RNF216: variants seen among roughly 807,000 people sequenced by gnomAD.
The protein encoded by RNF216 is ring finger protein 216.
Under a neutral mutation model 110.8 loss-of-function variants are expected in RNF216, and 72 were observed. The ratio of observed to expected loss-of-function variants is 0.65; its 90% CI spans 0.54 to 0.79. RNF216 has a LOEUF of 0.79. RNF216 is among the 30% of genes least tolerant of loss of function. The pLI is 0.00. For missense variants in RNF216, 1,342 were observed against 1,141.2 expected (o/e 1.18, Z -2.54); for synonymous variants, 495 against 407.5 (o/e 1.21, Z -2.59).
chr7:5,722,546 A>G (rs1793497243), intron 8 of RNF216, among the ~76,000 whole-genome samples: 1 of 151,238 alleles, frequency 6.6e-6, no homozygotes, highest in African/African-American at 2.4e-5. Context: ...GCCCGCCACC[A>G]TGCCCGGCTA....
intron 5 of RNF216, among the ~76,000 whole-genome samples, chr7:5,738,083 T>G (rs1794532082): frequency 1.7e-5 from 1 of 57,976 alleles, no homozygotes; most frequent in Admixed American, 2.7e-4. Flanking sequence ...AATAAGACTG[T>G]CTCCAAAAAA....
intron 14 of RNF216, among the ~76,000 whole-genome samples, chr7:5,649,336 G>A (rs1005078770): frequency 2.0e-5 from 3 of 151,284 alleles, no homozygotes; most frequent in Non-Finnish European, 2.9e-5. Context: ...AGGTCGCAAT[G>A]ACCCGAGGCA....
At chr7:5,658,538 G>A (rs1562797480) in intron 13 of RNF216, among the ~76,000 whole-genome samples, 1 of 146,772 alleles carries the variant, frequency 6.8e-6, no homozygotes, top group Non-Finnish European at 1.5e-5. Flanking sequence ...TGTGCCTGTA[G>A]TCTCAGCTAC....
intron 13 of RNF216, among the ~76,000 whole-genome samples, chr7:5,682,597 G>T (rs1342476579): frequency 6.6e-6 from 1 of 152,062 alleles, no homozygotes; most frequent in Non-Finnish European, 1.5e-5. Context: ...AGTAGAGACA[G>T]GGTTTCAACA....
Position 5,768,230 on chromosome 7 carries a change from C to G in RNF216, c.-69-7092G>C, listed in dbSNP as rs568973727. 6.3e-4 allele frequency among the ~76,000 whole-genome samples: 94 copies of G among 149,788 alleles called. 1 individual carries two copies. The highest frequency in any genetic ancestry group is 2.9e-3 in the Admixed American group (43 of 14,858). ...CTTTGGGAGGCTGAAGCAGGAGGAT[C>G]ACTTGAGCCCAGGAGTTTAAGACCA... On this transcript the variant is annotated intron_variant, in intron 1 of 16. Transcript: ENST00000389902.
intron 16 of RNF216, 70 bp from the exon 17 acceptor site, chr7:5,623,249 G>A (rs1786503552): frequency 2.8e-6 from 4 of 1,437,136 alleles, no homozygotes; most frequent in Non-Finnish European, 3.8e-6. Context: ...CCTGGGACCA[G>A]GGCAGCGACC....
chr7:5,748,629 C>T (rs1367671300), intron 3 of RNF216, among the ~76,000 whole-genome samples: 1 of 147,436 alleles, frequency 6.8e-6, no homozygotes, highest in Non-Finnish European at 1.5e-5. Context: ...CACACACACA[C>T]ACACACACAC....
rs377707695 is a variant in RNF216, at chr7:5,730,793, G to A, written c.1146C>T (p.Asn382=). 14 of 1,602,084 alleles carry A rather than the reference G, an allele frequency of 8.7e-6. No individual in the cohort carries two copies. In the East Asian group the frequency reaches 8.9e-5, roughly 10 times the overall value. The change falls in exon 6 of 17, where the codon AAC becomes AAT. Residue 382 remains asparagine, a synonymous_variant. Coordinates refer to ENST00000389902, the MANE Select transcript of RNF216 (RefSeq NM_207111.4). ...TGTCTTCTCTCTTTGGATAATCTGG[G>A]TTTTCCAGAAGAAAATTACAAAGTC... ...LNVLCNFLLE[N]PDYPKREDRI... is the part of the protein sequence containing the mutation.
intron 5 of RNF216, among the ~76,000 whole-genome samples, chr7:5,736,322 G>C (rs1794396277): frequency 6.6e-6 from 1 of 152,182 alleles, no homozygotes; most frequent in Non-Finnish European, 1.5e-5. Context: ...GGGTTTCGCT[G>C]TGTTGGCCGG....
chr7:5,638,438 G>C (rs1301568954), intron 15 of RNF216, among the ~76,000 whole-genome samples: 9 of 152,226 alleles, frequency 5.9e-5, no homozygotes, highest in Admixed American at 3.9e-4. Context: ...GGAACTCCCA[G>C]ATCAAGTACA....
chr7:5,649,513 C>T (rs184764530), intron 14 of RNF216: 2 of 151,650 alleles, frequency 1.3e-5, no homozygotes, highest in African/African-American at 2.4e-5. Flanking sequence ...TGTCTCAAGG[C>T]GAGAAAAAAA....
chr7:5,767,227 G>C (rs931837457), intron 1 of RNF216, among the ~76,000 whole-genome samples: 3 of 152,174 alleles, frequency 2.0e-5, no homozygotes, highest in African/African-American at 7.2e-5. Context: ...CAGGATTTCA[G>C]GGGCTCTGAT....
At chr7:5,752,707 C>T (rs757884957) in intron 3 of RNF216, 139 bp downstream of exon 3, 11 of 732,948 alleles carry the variant, frequency 1.5e-5, no homozygotes, top group Non-Finnish European at 2.4e-5. Context: ...TCTAAGAGTA[C>T]ACGAGGTAGA....
At chr7:5,719,544 T>A (rs960114662) in intron 9 of RNF216, among the ~76,000 whole-genome samples, 1 of 152,172 alleles carries the variant, frequency 6.6e-6, no homozygotes, top group Non-Finnish European at 1.5e-5. Flanking sequence ...CAGCCAATAG[T>A]CAGAGATGGG....
At chr7:5,702,086 G>A (rs763687899) in intron 13 of RNF216, among the ~76,000 whole-genome samples, 1 of 152,182 alleles carries the variant, frequency 6.6e-6, no homozygotes, top group Admixed American at 6.5e-5. Flanking sequence ...GGTTCTCGGA[G>A]CCCACGCTGA....
intron 15 of RNF216, among the ~76,000 whole-genome samples, chr7:5,637,578 ACT>A (rs1459935675): frequency 6.6e-6 from 1 of 152,110 alleles, no homozygotes; most frequent in South Asian, 2.1e-4. Context: ...ACATGGTCTC[ACT>A]CTGTCACCCA....
At chr7:5,671,562 TG>T in intron 13 of RNF216, among the ~76,000 whole-genome samples, 1 of 151,982 alleles carries the variant, frequency 6.6e-6, no homozygotes, top group Non-Finnish European at 1.5e-5. Context: ...CCCAGTACTT[TG>T]GGAGGCCAAG....
chr7:5,671,623 T>C (rs1562810922), intron 13 of RNF216, among the ~76,000 whole-genome samples: 1 of 151,818 alleles, frequency 6.6e-6, no homozygotes, highest in South Asian at 2.1e-4. Context: ...ACCAACATGG[T>C]GAAACACCGT....
At position 5,761,053 on chromosome 7, in the gene RNF216, T is replaced by C; in HGVS notation, c.17A>G (p.Asn6Ser). Residue 6 changes from asparagine to serine, a missense_variant, in exon 2 of 17, where the codon AAC (asparagine) becomes AGC (serine). By Grantham distance (46) the Asn-to-Ser change is conservative (BLOSUM62 1). Transcript: ENST00000389902. MEEGN[N>S]NEEVIHLNNF... ...GTTCAAGTGAATTACCTCTTCATTGTTGTTTCCCTCTTCCATTTTCAAATG... is the reference window on the plus strand; with the variant it reads ...GTTCAAGTGAATTACCTCTTCATTGCTGTTTCCCTCTTCCATTTTCAAATG... 6.3e-7 allele frequency: 1 copy of C among 1,582,464 alleles called. No individual in the cohort carries two copies. The highest frequency in any genetic ancestry group is 1.4e-5 in the African/African-American group (1 of 72,838).
Sources: gnomAD v4.1 joint callset for allele counts (sites outside exome capture counted in the v4.1 genomes callset) on GRCh38, gnomAD v4.1.1 for gene constraint, MANE v1.5 for transcripts, NCBI Gene and HGNC (gene_info 2026-07-23, HGNC 2026-07-21) for gene names.